The following SPATA6L variants were observed in gnomAD, a reference collection of about 807,000 sequenced individuals.
SPATA6L encodes the protein spermatogenesis associated 6-like protein.
In SPATA6L, 68 loss-of-function variants were observed where a neutral mutation model predicts 49.2. That is an observed-to-expected ratio of 1.38 (90% CI 1.14 to 1.69). The LOEUF (loss-of-function observed/expected upper bound fraction) is 1.69, where lower values mean the gene tolerates loss of function less well. SPATA6L is among the 40% of genes most tolerant of loss of function. The probability of loss-of-function intolerance (pLI) is 0.00; values close to 1 mark genes in which losing one functional copy is unlikely to be tolerated. For missense variants in SPATA6L, 668 were observed against 464.3 expected, an observed-to-expected ratio of 1.44 and a Z score of -4.03; for synonymous variants, 198 against 165.7, an observed-to-expected ratio of 1.19 and a Z score of -1.50.
chr9:4,608,035 A>G (rs1410634724), intron 9 of SPATA6L, among the ~76,000 whole-genome samples: 2 of 149,236 alleles, frequency 1.3e-5, no homozygotes, highest in African/African-American at 5.0e-5. Flanking sequence ...ATAAAGATCA[A>G]AAGAGACAAA....
At chr9:4,602,427 CA>C (rs955710972) in intron 11 of SPATA6L, among the ~76,000 whole-genome samples, 6 of 152,134 alleles carry the variant, frequency 3.9e-5, no homozygotes, top group African/African-American at 1.4e-4. Context: ...AGCTGTCCTG[CA>C]CATTCCTCTG....
At chr9:4,614,206 G>T (rs1000648819) in intron 9 of SPATA6L, among the ~76,000 whole-genome samples, 1 of 152,130 alleles carries the variant, frequency 6.6e-6, no homozygotes, top group African/African-American at 2.4e-5. Context: ...TCAGATGGTG[G>T]ATACAGGGAA....
intron 7 of SPATA6L, among the ~76,000 whole-genome samples, chr9:4,620,506 C>G (rs1289793702): frequency 2.0e-5 from 3 of 152,158 alleles, no homozygotes; most frequent in Non-Finnish European, 1.5e-5. Flanking sequence ...AACAAGAGCC[C>G]CAGGTGATTC....
intron 9 of SPATA6L, among the ~76,000 whole-genome samples, chr9:4,607,307 C>T (rs1564132095): frequency 6.6e-6 from 1 of 152,028 alleles, no homozygotes; most frequent in Non-Finnish European, 1.5e-5. Context: ...CACAAAGATA[C>T]TCCTCGAGAA....
chr9:4,641,719 G>A (rs1475256544), intron 3 of SPATA6L, among the ~76,000 whole-genome samples: 1 of 152,174 alleles, frequency 6.6e-6, no homozygotes, highest in Non-Finnish European at 1.5e-5. Flanking sequence ...ACGGTTGGCT[G>A]AATGTACTAA....
chr9:4,648,054 C>T (rs1183881539), intron 3 of SPATA6L, among the ~76,000 whole-genome samples: 1 of 152,084 alleles, frequency 6.6e-6, no homozygotes, highest in Non-Finnish European at 1.5e-5. Flanking sequence ...AGGCTGGTCT[C>T]AAACTCTTGA....
chr9:4,605,943 AGTGT>A (rs1232277730), intron 9 of SPATA6L, among the ~76,000 whole-genome samples: 1 of 152,140 alleles, frequency 6.6e-6, no homozygotes, highest in East Asian at 1.9e-4. Context: ...GGCGCAGGCC[AGTGT>A]GTGCGCGCAC....
At chr9:4,615,902 C>T (rs911618737) in intron 9 of SPATA6L, among the ~76,000 whole-genome samples, 1 of 152,126 alleles carries the variant, frequency 6.6e-6, no homozygotes, top group Non-Finnish European at 1.5e-5. Flanking sequence ...TTCCCCAGTT[C>T]TGGTGGCTGA....
intron 2 of SPATA6L, among the ~76,000 whole-genome samples, chr9:4,660,791 T>A (rs1048514609): frequency 6.6e-6 from 1 of 152,190 alleles, no homozygotes; most frequent in Non-Finnish European, 1.5e-5. Context: ...CAAATGTCCA[T>A]CAGTGATAGA....
chr9:4,595,880 T>C (rs1184201551), downstream of SPATA6L, among the ~76,000 whole-genome samples: 1 of 152,250 alleles, frequency 6.6e-6, no homozygotes, highest in Non-Finnish European at 1.5e-5. Context: ...GAGTCAAAAC[T>C]GGTGGCTTTG....
chr9:4,597,319 TACACACACACAC>T (rs57570250), downstream of SPATA6L, among the ~76,000 whole-genome samples: 727 of 143,994 alleles, frequency 5.0e-3, 4 homozygotes, highest in African/African-American at 0.016. Context: ...GAAAACAAAA[TACACACACACAC>T]ACACACACAC....
At chr9:4,663,384 C>A in intron 1 of SPATA6L, 1 of 1,025,128 alleles carries the variant, frequency 9.8e-7, no homozygotes, top group Non-Finnish European at 1.5e-6. Flanking sequence ...TTTGGGATTT[C>A]AGGTGTCCCA....
At chr9:4,632,119 G>T (rs567903860) in intron 4 of SPATA6L, among the ~76,000 whole-genome samples, 16 of 141,078 alleles carry the variant, frequency 1.1e-4, no homozygotes, top group Non-Finnish European at 2.2e-4. Flanking sequence ...GGCTCACTCT[G>T]ACCTCTGCCT....
At chr9:4,637,607 T>C (rs1414977411) in intron 3 of SPATA6L, among the ~76,000 whole-genome samples, 1 of 152,190 alleles carries the variant, frequency 6.6e-6, no homozygotes, top group Non-Finnish European at 1.5e-5. Flanking sequence ...GGGGCCTCAC[T>C]GTCAGCATCT....
intron 4 of SPATA6L, among the ~76,000 whole-genome samples, chr9:4,631,310 A>T (rs939934855): frequency 6.6e-5 from 10 of 152,098 alleles, no homozygotes; most frequent in African/African-American, 2.4e-4. Context: ...AATAAAAATA[A>T]TTTTTAAATG....
At chr9:4,627,668 G>T (rs149541339) in intron 5 of SPATA6L, 2 of 1,139,488 alleles carry the variant, frequency 1.8e-6, no homozygotes, top group Non-Finnish European at 2.3e-6. Flanking sequence ...AAAGAAATTG[G>T]GGTGAGGGAG....
chr9:4,643,651 C>G (rs1834560405), intron 3 of SPATA6L, among the ~76,000 whole-genome samples: 1 of 152,068 alleles, frequency 6.6e-6, no homozygotes, highest in Non-Finnish European at 1.5e-5. Flanking sequence ...TATGGAAATA[C>G]TATTTATAGA....
chr9:4,640,217 T>A (rs1833736742), intron 3 of SPATA6L, among the ~76,000 whole-genome samples: 1 of 152,192 alleles, frequency 6.6e-6, no homozygotes, highest in Non-Finnish European at 1.5e-5. Context: ...TGGAACAGGA[T>A]CACGCTGCCC....
intron 9 of SPATA6L, among the ~76,000 whole-genome samples, chr9:4,610,859 C>A (rs1329180248): frequency 6.6e-6 from 1 of 151,786 alleles, no homozygotes; most frequent in Non-Finnish European, 1.5e-5. Flanking sequence ...AGTGAACAGG[C>A]AACCTACAAA....
Sources: gnomAD v4.1 joint callset for allele counts (sites outside exome capture counted in the v4.1 genomes callset) on GRCh38, gnomAD v4.1.1 for gene constraint, MANE v1.5 for transcripts, NCBI Gene and HGNC (gene_info 2026-07-23, HGNC 2026-07-21) for gene names.